Variants in KDM4B observed in about 807,000 individuals in gnomAD.
KDM4B encodes the protein lysine-specific demethylase 4B.
A neutral mutation model predicts 125.2 loss-of-function variants in KDM4B; 32 were observed. The ratio of observed to expected loss-of-function variants is 0.26; its 90% CI spans 0.19 to 0.34. The LOEUF is 0.34. Among genes scored for constraint, KDM4B ranks in the 10% least tolerant of loss-of-function variants. The pLI, the probability that KDM4B is intolerant of heterozygous loss-of-function variation, is 1.00. For synonymous variants in KDM4B, 721 were observed against 677.9 expected, an observed-to-expected ratio of 1.06 and a Z score of -0.99; for missense variants, 1,190 against 1,577.7, an observed-to-expected ratio of 0.75 and a Z score of 4.16.
intron 1 of KDM4B, among the ~76,000 whole-genome samples, chr19:4,970,154 G>T (rs1319538264): frequency 1.3e-5 from 2 of 152,202 alleles, no homozygotes; most frequent in African/African-American, 4.8e-5. Flanking sequence ...AATCAGGCAG[G>T]ACGGGGGACT....
At chr19:5,149,536 A>G (rs1220885228) in intron 21 of KDM4B, among the ~76,000 whole-genome samples, 1 of 152,220 alleles carries the variant, frequency 6.6e-6, no homozygotes, top group Non-Finnish European at 1.5e-5. Context: ...CTGGAGCAGA[A>G]CGGCAGTCAG....
intron 6 of KDM4B, among the ~76,000 whole-genome samples, chr19:5,048,182 C>G (rs2145708588): frequency 6.6e-6 from 1 of 152,336 alleles, no homozygotes; most frequent in Non-Finnish European, 1.5e-5. Flanking sequence ...GGTGGACCTG[C>G]CCCTGCCCGG....
rs1568283810 is a variant in KDM4B, at chr19:5,082,392, T to C, written c.806T>C (p.Met269Thr). 6.2e-7 allele frequency: 1 copy of C among 1,613,814 alleles called. No individual in the cohort carries two copies. Among genetic ancestry groups the C allele is most frequent in the Non-Finnish European group, 8.5e-7 (1 of 1,179,982 alleles). Reference protein sequence around the residue: ...SRITQEAGEFMITFPYGYHAG... With the variant: ...SRITQEAGEFTITFPYGYHAG... ...ATCACGCAGGAGGCCGGGGAATTCA[T>C]GATCACATTTCCCTACGGCTACCAC... Residue 269 changes from methionine (M) to threonine (T), a missense_variant, in exon 9 of 23, where the codon ATG becomes ACG. By Grantham distance (81) the Met-to-Thr change is moderately conservative. Around this residue, in one of 7 missense-constraint regions of KDM4B, gnomAD observed 75 missense variants for 218.2 expected, o/e 0.34. Coordinates refer to ENST00000159111, the MANE Select transcript of KDM4B (RefSeq NM_015015.3). This position sits in a 1 kb window ranked among gnomAD's most constrained non-coding sequence, Gnocchi z 5.4.
chr19:4,972,364 C>G (rs1008455522), intron 1 of KDM4B, among the ~76,000 whole-genome samples: 1 of 152,120 alleles, frequency 6.6e-6, no homozygotes, highest in East Asian at 1.9e-4. Flanking sequence ...TTGTGAGGAT[C>G]AAAGCGGGTA....
rs764827030 is a variant in KDM4B, at chr19:4,971,604, C to T, written c.-109+2374C>T. Among the ~76,000 whole-genome samples, 13 of 152,072 alleles carry T rather than the reference C, an allele frequency of 8.5e-5. No individual in the cohort carries two copies. The highest frequency in any genetic ancestry group is 5.8e-4 in the East Asian group (3 of 5,192). ...AGGTTTCCAGTGCCGAGTGCCATGC[C>T]GGGACAGGTTGGGAGGAGTCCCTGG... On this transcript the variant is annotated intron_variant, in intron 1 of 22. Coordinates refer to ENST00000159111, the MANE Select transcript of KDM4B (RefSeq NM_015015.3). The surrounding 1 kb of genome is among the most constrained non-coding windows in gnomAD (Gnocchi z 4.1).
chr19:5,138,382 A>G, intron 18 of KDM4B: 1 of 362,910 alleles, frequency 2.8e-6, no homozygotes, highest in South Asian at 3.8e-5. Context: ...ACCTTCCCAC[A>G]AAAGCAGAGG....
intron 3 of KDM4B, among the ~76,000 whole-genome samples, chr19:5,036,103 C>T (rs1159397718): frequency 6.6e-6 from 1 of 152,196 alleles, no homozygotes; most frequent in East Asian, 1.9e-4. Flanking sequence ...TCGGGGCAGC[C>T]AGCCTCTTTG....
At chr19:5,068,557 T>A (rs561046136) in intron 6 of KDM4B, among the ~76,000 whole-genome samples, 6 of 152,212 alleles carry the variant, frequency 3.9e-5, no homozygotes, top group Admixed American at 1.3e-4. Flanking sequence ...TCTTGGAAAC[T>A]GAGGTTTTTC....
At chr19:5,119,614 C>G (rs1160830048) in intron 10 of KDM4B, 39 bp from the exon 11 acceptor site, 1 of 1,535,310 alleles carries the variant, frequency 6.5e-7, no homozygotes. Flanking sequence ...CTCTTCCCTC[C>G]CTGGTCTCCC....
At chr19:5,005,800 C>T (rs1024340600) in intron 1 of KDM4B, among the ~76,000 whole-genome samples, 6 of 152,142 alleles carry the variant, frequency 3.9e-5, no homozygotes, top group African/African-American at 1.2e-4. Flanking sequence ...GCGGCTGCCT[C>T]GCCACACAGC....
chr19:4,981,679 C>T (rs755305476), intron 1 of KDM4B, among the ~76,000 whole-genome samples: 29 of 152,146 alleles, frequency 1.9e-4, no homozygotes, highest in African/African-American at 4.3e-4. Flanking sequence ...TGCCAGGCAC[C>T]GGCGGTGCTG....
intron 1 of KDM4B, among the ~76,000 whole-genome samples, chr19:4,998,643 C>T (rs1177754995): frequency 2.6e-5 from 4 of 152,176 alleles, no homozygotes; most frequent in African/African-American, 4.8e-5. Flanking sequence ...AGACCCTATT[C>T]TGACTTTGCA....
chr19:5,061,723 C>CT (rs1431315966), intron 6 of KDM4B, among the ~76,000 whole-genome samples: 3 of 151,962 alleles, frequency 2.0e-5, no homozygotes, highest in Non-Finnish European at 4.4e-5. Flanking sequence ...AAAAAATCAG[C>CT]TGGGTGTAGG....
chr19:4,974,414 A>ATAAG (rs746669974), intron 1 of KDM4B, among the ~76,000 whole-genome samples: 12 of 151,696 alleles, frequency 7.9e-5, no homozygotes, highest in Non-Finnish European at 8.8e-5. Flanking sequence ...AAATAAATAA[A>ATAAG]TAAGTAAGTA....
chr19:5,050,058 A>G (rs2145719822), intron 6 of KDM4B, among the ~76,000 whole-genome samples: 1 of 152,280 alleles, frequency 6.6e-6, no homozygotes, highest in Non-Finnish European at 1.5e-5. Context: ...AGAGATCACC[A>G]AGGCTGCGCC....
At chr19:5,098,584 C>A (rs1258232769) in intron 9 of KDM4B, among the ~76,000 whole-genome samples, 1 of 152,120 alleles carries the variant, frequency 6.6e-6, no homozygotes. Flanking sequence ...AGAAAGGTGC[C>A]ATGGACTGAA....
chr19:5,127,000 TGCTGGA>T (rs2039461032), intron 11 of KDM4B, among the ~76,000 whole-genome samples: 1 of 152,242 alleles, frequency 6.6e-6, no homozygotes, highest in African/African-American at 2.4e-5. Context: ...TCTTGGGGTT[TGCTGGA>T]GGCTCTGGTG....
chr19:5,145,014 G>A, intron 21 of KDM4B, 112 bp downstream of exon 21: 1 of 1,433,664 alleles, frequency 7.0e-7, no homozygotes, highest in East Asian at 2.4e-5. Context: ...GGCACTGGCG[G>A]GTGTGGGCCA....
chr19:5,042,493 G>A (rs1485874642), intron 5 of KDM4B, among the ~76,000 whole-genome samples: 1 of 147,444 alleles, frequency 6.8e-6, no homozygotes, highest in Non-Finnish European at 1.5e-5. Context: ...ATGAGACTAC[G>A]TCACAAGAAA....
Sources: gnomAD v4.1 joint callset for allele counts (sites outside exome capture counted in the v4.1 genomes callset) on GRCh38, gnomAD v4.1.1 for gene constraint, gnomAD v4.1.1 regional missense constraint, Gnocchi (gnomAD v3.1) non-coding constraint, MANE v1.5 for transcripts, NCBI Gene and HGNC (gene_info 2026-07-23, HGNC 2026-07-21) for gene names.